BBX: variants seen among roughly 807,000 people sequenced by gnomAD.
BBX encodes the protein HMG box transcription factor BBX.
BBX carries 30 observed loss-of-function variants against 100.2 expected under a neutral mutation model. The observed-to-expected ratio is 0.30, with a 90% CI of 0.22 to 0.41. BBX has a LOEUF of 0.41. Ranked by LOEUF, BBX falls within the 10% of genes least tolerant of loss-of-function variation. The probability of loss-of-function intolerance (pLI) is 1.00; values close to 1 mark genes in which losing one functional copy is unlikely to be tolerated. For missense variants in BBX, 1,023 were observed against 1,129.8 expected (o/e 0.91, Z 1.35); for synonymous variants, 376 against 388.1 (o/e 0.97, Z 0.37).
intron 2 of BBX, among the ~76,000 whole-genome samples, chr3:107,552,995 A>G (rs2049815850): frequency 1.3e-5 from 2 of 152,214 alleles, no homozygotes; most frequent in African/African-American, 4.8e-5. Flanking sequence ...TTTTGACTTC[A>G]TAAAGAAAAA....
intron 2 of BBX, among the ~76,000 whole-genome samples, chr3:107,600,829 C>G (rs1270721918): frequency 6.6e-6 from 1 of 152,170 alleles, no homozygotes; most frequent in African/African-American, 2.4e-5. Context: ...CTCTACACCA[C>G]AGAGAGACAG....
intron 13 of BBX, among the ~76,000 whole-genome samples, chr3:107,784,659 TAGAG>T (rs1485149982): frequency 9.8e-4 from 149 of 151,878 alleles, no homozygotes; most frequent in Non-Finnish European, 1.6e-4. Context: ...AAAGCAAACT[TAGAG>T]GGAGAAGGGG....
At chr3:107,791,775 G>A (rs1251288763) in intron 15 of BBX, among the ~76,000 whole-genome samples, 1 of 152,134 alleles carries the variant, frequency 6.6e-6, no homozygotes, top group Non-Finnish European at 1.5e-5. Flanking sequence ...GGCCAAGGCG[G>A]GCAGATCATG....
rs541163042 is a variant in BBX, at chr3:107,798,442, A to G, written c.2354-81A>G. 6.0e-5 allele frequency: 81 copies of G among 1,346,626 alleles called. 1 individual carries two copies. In the Admixed American group the frequency reaches 1.1e-3, roughly 18 times the overall value. 83.4% of individuals were successfully genotyped at this position (1,346,626 alleles called of 1,614,324 possible). A position where few individuals can be genotyped will look rare whatever the true frequency, so the allele number is the denominator to read the frequency against. On this transcript the variant is annotated intron_variant, in intron 15 of 17. Transcript: ENST00000325805. ...AATTCTCCATTCAGACGGGTCAGAA[A>G]TTTAGACATGTTTCCTTCTAAGAGC...
chr3:107,582,911 G>A (rs1367503942), intron 2 of BBX, among the ~76,000 whole-genome samples: 1 of 151,896 alleles, frequency 6.6e-6, no homozygotes, highest in Non-Finnish European at 1.5e-5. Context: ...GGTATGTGCT[G>A]TGCAGTGTAT....
At chr3:107,758,322 T>G (rs73850163) in intron 10 of BBX, among the ~76,000 whole-genome samples, 2,694 of 152,278 alleles carry the variant, frequency 0.018, 81 homozygotes, top group African/African-American at 0.061. Context: ...TGAAGGAAGT[T>G]GACAGCATGG....
At chr3:107,545,355 A>G (rs1361069412) in intron 2 of BBX, among the ~76,000 whole-genome samples, 1 of 152,252 alleles carries the variant, frequency 6.6e-6, no homozygotes, top group Non-Finnish European at 1.5e-5. Context: ...AAAAATTGGC[A>G]ATCTGTGATG....
intron 2 of BBX, among the ~76,000 whole-genome samples, chr3:107,577,438 T>TCTG (rs1396272539): frequency 6.6e-6 from 1 of 152,168 alleles, no homozygotes; most frequent in Non-Finnish European, 1.5e-5. Flanking sequence ...GTAAAGATAT[T>TCTG]CTGCTACTAT....
intron 13 of BBX, among the ~76,000 whole-genome samples, chr3:107,779,022 C>CTAT (rs2067593943): frequency 1.5e-5 from 1 of 64,698 alleles, no homozygotes; most frequent in Non-Finnish European, 2.8e-5. Flanking sequence ...TATATATATA[C>CTAT]ACACACACAC....
chr3:107,718,278 ATTG>A (rs2062259855), intron 5 of BBX, among the ~76,000 whole-genome samples: 2 of 144,604 alleles, frequency 1.4e-5, no homozygotes, highest in South Asian at 2.2e-4. Flanking sequence ...TTATAATATG[ATTG>A]TTAATTATAA....
intron 2 of BBX, among the ~76,000 whole-genome samples, chr3:107,531,461 A>G (rs1417210288): frequency 1.3e-5 from 2 of 152,158 alleles, no homozygotes; most frequent in Admixed American, 6.5e-5. Context: ...ACAAGACAGT[A>G]ATGAATGTAG....
intron 2 of BBX, among the ~76,000 whole-genome samples, chr3:107,550,485 A>C (rs1461025377): frequency 6.6e-6 from 1 of 152,128 alleles, no homozygotes; most frequent in African/African-American, 2.4e-5. Flanking sequence ...GGTACAGCAT[A>C]GGTTGGAAAT....
intron 13 of BBX, among the ~76,000 whole-genome samples, chr3:107,780,812 G>T (rs1186799268): frequency 6.6e-6 from 1 of 151,930 alleles, no homozygotes; most frequent in East Asian, 1.9e-4. Flanking sequence ...TGCTGTAATT[G>T]CCTGATCTTT....
At position 107,592,360 on chromosome 3, in the gene BBX, C is replaced by CAAAAA. The variant is rs398052177; in HGVS notation, c.-83-53457_-83-53453dup. 1.2e-4 allele frequency among the ~76,000 whole-genome samples: 9 copies of CAAAAA among 74,890 alleles called. 1 individual carries two copies. Among genetic ancestry groups the CAAAAA allele is most frequent in the East Asian group, 4.8e-4 (1 of 2,074 alleles). 49.1% of individuals were successfully genotyped at this position (74,890 alleles called of 152,430 possible). ...TAGGTGATAGAGCGAGACCCTGTCTCAAAAAAAAAAAAAAAAAAAAAAAGG... is the reference window on the plus strand; with the variant it reads ...TAGGTGATAGAGCGAGACCCTGTCTCAAAAAAAAAAAAAAAAAAAAAAAAAAAAGG... On this transcript the variant is annotated intron_variant, in intron 2 of 17. Transcript: ENST00000325805.
intron 2 of BBX, among the ~76,000 whole-genome samples, chr3:107,537,954 T>G (rs1460755777): frequency 6.6e-6 from 1 of 152,222 alleles, no homozygotes; most frequent in Non-Finnish European, 1.5e-5. Flanking sequence ...AACCCCAATG[T>G]TTACATTAAA....
At position 107,773,182 on chromosome 3, in the gene BBX, A is replaced by G; in HGVS notation, c.1461A>G (p.Ile487Met). ...CGGAATCTGACATTGAGAGCGTCAT[A>G]TATACCATTGAAGCCGTCGCAAAAG... is the stretch of plus-strand genomic sequence containing the variant. ...QSSESDIESVIYTIEAVAKGD... is the reference protein window; with the variant it reads ...QSSESDIESVMYTIEAVAKGD... The change falls in exon 11 of 18, where the codon ATA becomes ATG. Residue 487 changes from isoleucine to methionine, a missense_variant. This residue lies in a region of BBX where 348 missense variants were observed against 353.2 expected (regional missense o/e 0.99). Transcript: ENST00000325805. This position sits in a 1 kb window ranked among gnomAD's most constrained non-coding sequence, Gnocchi z 4.1. 1.9e-6 allele frequency: 3 copies of G among 1,614,140 alleles called. No homozygotes were observed. Among genetic ancestry groups the G allele is most frequent in the South Asian group, 1.1e-5 (1 of 91,084 alleles).
intron 3 of BBX, among the ~76,000 whole-genome samples, chr3:107,709,681 C>G (rs1032179048): frequency 1.2e-4 from 18 of 152,198 alleles, no homozygotes; most frequent in Admixed American, 2.6e-4. Context: ...ATGCAGTTAC[C>G]TCTGGACCAT....
At chr3:107,578,278 C>T (rs2051962086) in intron 2 of BBX, among the ~76,000 whole-genome samples, 1 of 152,108 alleles carries the variant, frequency 6.6e-6, no homozygotes, top group Non-Finnish European at 1.5e-5. Flanking sequence ...AGTCAGGAAG[C>T]ATGTAGGTGG....
chr3:107,547,942 G>A (rs958081878), intron 2 of BBX, among the ~76,000 whole-genome samples: 2 of 152,164 alleles, frequency 1.3e-5, no homozygotes, highest in African/African-American at 4.8e-5. Flanking sequence ...CTGACACCTA[G>A]ATTCTAATTG....
Sources: gnomAD v4.1 joint callset for allele counts (sites outside exome capture counted in the v4.1 genomes callset) on GRCh38, gnomAD v4.1.1 for gene constraint, gnomAD v4.1.1 regional missense constraint, Gnocchi (gnomAD v3.1) non-coding constraint, MANE v1.5 for transcripts, NCBI Gene and HGNC (gene_info 2026-07-23, HGNC 2026-07-21) for gene names.